FMN1: variants seen among roughly 807,000 people sequenced by gnomAD.
FMN1 encodes formin-1.
Under a neutral mutation model 132.4 loss-of-function variants are expected in FMN1, and 110 were observed. That is an observed-to-expected ratio of 0.83 (90% CI 0.71 to 0.97). The LOEUF is 0.97. FMN1 is among the 50% of genes least tolerant of loss of function. The probability of loss-of-function intolerance (pLI) is 0.00; values close to 1 mark genes in which losing one functional copy is unlikely to be tolerated. For missense variants in FMN1, 1,792 were observed against 1,705.3 expected, an observed-to-expected ratio of 1.05 and a Z score of -0.90; for synonymous variants, 722 against 651.7, an observed-to-expected ratio of 1.11 and a Z score of -1.64.
intron 16 of FMN1, among the ~76,000 whole-genome samples, chr15:32,860,210 GGA>G (rs2059235700): frequency 6.7e-6 from 1 of 148,528 alleles, no homozygotes; most frequent in African/African-American, 2.5e-5. Context: ...AGGAAAGAAA[GGA>G]GAGAGGAAGA....
chr15:32,976,955 G>A (rs2032258704), intron 7 of FMN1, among the ~76,000 whole-genome samples: 1 of 152,170 alleles, frequency 6.6e-6, no homozygotes, highest in Non-Finnish European at 1.5e-5. Context: ...TCTGGGGGAC[G>A]TTAATCTGTA....
Position 33,161,638 on chromosome 15 carries a change from G to T in FMN1, c.-131-6593C>A, listed in dbSNP as rs760825178. Among the ~76,000 whole-genome samples, 4 of 152,158 alleles carry T rather than the reference G, an allele frequency of 2.6e-5. No individual in the cohort carries two copies. In the East Asian group the frequency reaches 7.7e-4, roughly 29 times the overall value. ...GAGTAGATTAAAAAAACAAAGGAAG[G>T]CTGGGCGCAGTGGCTCACGCCTGTA... On this transcript the variant is annotated intron_variant, in intron 3 of 20. Coordinates refer to ENST00000616417, the MANE Select transcript of FMN1 (RefSeq NM_001277313.2).
intron 7 of FMN1, among the ~76,000 whole-genome samples, chr15:33,005,148 C>G (rs537876215): frequency 6.6e-6 from 1 of 151,728 alleles, no homozygotes; most frequent in African/African-American, 2.4e-5. Flanking sequence ...ATGTAACAAA[C>G]CTGCACGTTG....
At chr15:33,038,725 T>C (rs954726784) in intron 6 of FMN1, among the ~76,000 whole-genome samples, 3 of 152,210 alleles carry the variant, frequency 2.0e-5, no homozygotes, top group African/African-American at 7.2e-5. Context: ...CCTGGGAGTC[T>C]TTACACTTGA....
chr15:33,031,037 C>T (rs2141065115), intron 6 of FMN1, among the ~76,000 whole-genome samples: 1 of 146,784 alleles, frequency 6.8e-6, no homozygotes, highest in Non-Finnish European at 1.5e-5. Context: ...TCCATGTGTT[C>T]TCATTGTTCA....
chr15:32,846,013 G>A lies in FMN1; in HGVS notation c.3928+11002C>T, dbSNP rs541678141. On this transcript the variant is annotated intron_variant, in intron 17 of 20. Coordinates refer to ENST00000616417, the MANE Select transcript of FMN1 (RefSeq NM_001277313.2). ...AATCCTTTGCAAAATCACATAGAAA[G>A]GTTAAGTGGTGAACCCAGTGTTCAA... Among the ~76,000 whole-genome samples the A allele has an allele frequency of 2.0e-5, 3 of 150,698 alleles. No homozygotes were observed. The East Asian group carries it at 5.8e-4, about 29-fold the overall frequency.
chr15:33,165,168 G>T (rs1479043467), intron 3 of FMN1, among the ~76,000 whole-genome samples: 1 of 152,200 alleles, frequency 6.6e-6, no homozygotes, highest in South Asian at 2.1e-4. Flanking sequence ...GGTGGGCTTA[G>T]TACATTTTAC....
chr15:33,116,846 G>C (rs144802467), intron 4 of FMN1, among the ~76,000 whole-genome samples: 2,407 of 152,180 alleles, frequency 0.016, 36 homozygotes, highest in Non-Finnish European at 0.025. Flanking sequence ...GTCCTTCATA[G>C]AGAAAATGGA....
intron 2 of FMN1, among the ~76,000 whole-genome samples, chr15:33,193,400 C>A (rs950171672): frequency 1.9e-4 from 29 of 152,106 alleles, no homozygotes; most frequent in Admixed American, 3.9e-4. Context: ...GAATATAATT[C>A]TCTCTCCTAG....
At chr15:32,986,939 A>C (rs752349422) in intron 7 of FMN1, among the ~76,000 whole-genome samples, 1 of 152,168 alleles carries the variant, frequency 6.6e-6, no homozygotes, top group African/African-American at 2.4e-5. Context: ...CTTATTTCCT[A>C]ACTGATCAAA....
chr15:33,157,356 G>A (rs1477671266), intron 3 of FMN1, among the ~76,000 whole-genome samples: 1 of 151,620 alleles, frequency 6.6e-6, no homozygotes, highest in East Asian at 1.9e-4. Context: ...TATTCCCTAA[G>A]AGAGGGAATT....
chr15:32,889,191 T>G (rs2059966789), intron 15 of FMN1, among the ~76,000 whole-genome samples: 1 of 152,190 alleles, frequency 6.6e-6, no homozygotes. Context: ...CAGGGTGAAG[T>G]ATAGTTTTAA....
chr15:33,050,741 G>A (rs995800221), intron 6 of FMN1, among the ~76,000 whole-genome samples: 2 of 152,210 alleles, frequency 1.3e-5, no homozygotes, highest in African/African-American at 2.4e-5. Context: ...TCACAGGTAT[G>A]CATAAACCAA....
intron 16 of FMN1, among the ~76,000 whole-genome samples, chr15:32,876,090 C>G (rs1430506122): frequency 6.6e-6 from 1 of 152,176 alleles, no homozygotes; most frequent in African/African-American, 2.4e-5. Flanking sequence ...ATCAAGGATA[C>G]TTTGTTAATG....
Position 33,065,852 on chromosome 15 carries a change from C to T in FMN1, c.2044-778G>A, listed in dbSNP as rs185994103. Among the ~76,000 whole-genome samples the T allele has an allele frequency of 2.4e-3, 361 of 152,312 alleles. 1 individual carries two copies. The highest frequency in any genetic ancestry group is 3.7e-3 in the Non-Finnish European group (249 of 68,018). On this transcript the variant is annotated intron_variant, in intron 5 of 20. Transcript: ENST00000616417. ...TGAGTTAGTTTTCTTTGAGTAATAA[C>T]AGCATCTATTAATTAGATGCTTCCC...
At chr15:33,006,473 T>C (rs2034423533) in intron 7 of FMN1, among the ~76,000 whole-genome samples, 1 of 152,140 alleles carries the variant, frequency 6.6e-6, no homozygotes, top group Admixed American at 6.5e-5. Context: ...TAGAAAACAG[T>C]GTGGAGGCTC....
At position 33,154,678 on chromosome 15, in the gene FMN1, G is replaced by T. The variant is rs1399077; in HGVS notation, c.237C>A (p.Pro79=). 0.24 allele frequency: 369,725 copies of T among 1,535,808 alleles called. 48,659 individuals are homozygous for T. Among genetic ancestry groups the T allele is most frequent in the Non-Finnish European group, 0.28 (315,463 of 1,146,700 alleles). The change falls in exon 4 of 21, where the codon CCC becomes CCA. Residue 79 remains proline, a synonymous_variant. Transcript: ENST00000616417. ...HPGDIFFKQT[P]TKDILTELYK... ...ACAGCTCAGTTAGAATGTCTTTCGTGGGAGTCTGCTTGAAAAATATGTCGC... is the reference window on the plus strand; with the variant it reads ...ACAGCTCAGTTAGAATGTCTTTCGTTGGAGTCTGCTTGAAAAATATGTCGC...
At chr15:32,973,033 C>T (rs1396694088) in intron 7 of FMN1, among the ~76,000 whole-genome samples, 1 of 152,134 alleles carries the variant, frequency 6.6e-6, no homozygotes, top group Non-Finnish European at 1.5e-5. Context: ...CTCTTGTCAC[C>T]CCCACCACCT....
intron 2 of FMN1, among the ~76,000 whole-genome samples, chr15:33,191,960 TA>T (rs1966094191): frequency 6.6e-6 from 1 of 152,336 alleles, no homozygotes; most frequent in South Asian, 2.1e-4. Context: ...AGAGACTATG[TA>T]CATCTAAAAA....
Sources: allele counts gnomAD v4.1 joint callset (sites outside exome capture counted in the v4.1 genomes callset), GRCh38; gene constraint gnomAD v4.1.1; transcripts MANE v1.5; gene names NCBI Gene and HGNC (gene_info 2026-07-23, HGNC 2026-07-21).